HSF2BP: variants seen among roughly 807,000 people sequenced by gnomAD.
HSF2BP encodes the protein heat shock factor 2-binding protein.
In HSF2BP, 35 loss-of-function variants were observed where a neutral mutation model predicts 35.0. The observed-to-expected ratio is 1.00, with a 90% confidence interval of 0.76 to 1.32. The LOEUF (loss-of-function observed/expected upper bound fraction) is 1.32, where lower values mean the gene tolerates loss of function less well. Among genes scored for constraint, HSF2BP ranks in the 40% most tolerant of loss-of-function variants. The pLI is 0.00. For missense variants in HSF2BP, 326 were observed against 321.7 expected, an observed-to-expected ratio of 1.01 and a Z score of -0.10; for synonymous variants, 114 against 117.4, an observed-to-expected ratio of 0.97 and a Z score of 0.18.
chr21:43,656,876 TATAG>T (rs1385457880), intron 2 of HSF2BP, 139 bp from the exon 3 acceptor site: 1 of 667,518 alleles, frequency 1.5e-6, no homozygotes, highest in Non-Finnish European at 2.5e-6. Flanking sequence ...TATATTCTGC[TATAG>T]ATATATTTTA....
chr21:43,636,897 A>G (rs865905061), intron 4 of HSF2BP, among the ~76,000 whole-genome samples: 187 of 22,746 alleles, frequency 8.2e-3, no homozygotes, highest in African/African-American at 0.042. Context: ...CTCAAAACAA[A>G]AAAAAAAAAA....
At chr21:43,636,036 C>G (rs548876622) in intron 4 of HSF2BP, among the ~76,000 whole-genome samples, 22 of 149,700 alleles carry the variant, frequency 1.5e-4, no homozygotes, top group African/African-American at 4.9e-4. Context: ...ATAGTGAGAC[C>G]CCATCTCTAC....
chr21:43,613,553 G>A (rs1181520331), intron 7 of HSF2BP, among the ~76,000 whole-genome samples: 1 of 152,212 alleles, frequency 6.6e-6, no homozygotes, highest in Non-Finnish European at 1.5e-5. Context: ...CTGGAAGACA[G>A]ATACCTATTT....
Position 43,622,488 on chromosome 21 carries a change from C to T in HSF2BP, c.574+7834G>A, listed in dbSNP as rs536310063. The stretch of plus-strand genomic sequence containing the variant: ...GAAAGTGAAGGGTGGAAAAAGATAT[C>T]TATGCAACTGGAAACCAAAAAAAAC... On this transcript the variant is annotated intron_variant, in intron 6 of 8. Coordinates refer to ENST00000291560, the MANE Select transcript of HSF2BP (RefSeq NM_007031.2). 3.9e-5 allele frequency among the ~76,000 whole-genome samples: 6 copies of T among 152,160 alleles called. No homozygotes were observed. The South Asian group carries it at 1.2e-3, about 32-fold the overall frequency.
intron 1 of HSF2BP, 88 bp from the exon 2 acceptor site, chr21:43,658,408 A>T (rs2082910828): frequency 2.5e-6 from 1 of 394,162 alleles, no homozygotes; most frequent in Non-Finnish European, 4.6e-6. Flanking sequence ...GAGGAATGCT[A>T]CACTAAGGGG....
chr21:43,584,262 G>T (rs1281177117), intron 8 of HSF2BP, among the ~76,000 whole-genome samples: 4 of 152,130 alleles, frequency 2.6e-5, no homozygotes, highest in Admixed American at 2.0e-4. Context: ...CCCAATATCT[G>T]CAGTCCATGC....
At chr21:43,648,609 A>G (rs1182758477) in intron 3 of HSF2BP, among the ~76,000 whole-genome samples, 1 of 152,176 alleles carries the variant, frequency 6.6e-6, no homozygotes, top group East Asian at 1.9e-4. Context: ...CACACTCTTC[A>G]TGTTCTTTTA....
At chr21:43,652,750 A>ACCAGC (rs1401131947) in intron 3 of HSF2BP, among the ~76,000 whole-genome samples, 1 of 152,198 alleles carries the variant, frequency 6.6e-6, no homozygotes. Context: ...ACCTCCTGGA[A>ACCAGC]CCAGCCCAGC....
rs933416773 is a variant in HSF2BP, at chr21:43,633,439, T to C, written c.292-18A>G. 3.8e-6 allele frequency: 6 copies of C among 1,593,918 alleles called. No homozygotes were observed. The highest frequency in any genetic ancestry group is 1.8e-5 in the Admixed American group (1 of 55,368). ...AGTTTCTCCTAAAAGCAAAACAAAA[T>C]TGAAAAATAAATAATAGCATTCAAC... is the stretch of plus-strand genomic sequence containing the variant. On this transcript the variant is annotated intron_variant, in intron 4 of 8. Transcript: ENST00000291560.
In HSF2BP at chr21:43,574,778, G is replaced by A. The variant is rs540155664; in HGVS notation, c.796+17447C>T. ...CCCTCCATGGGGAGCAGCTGTCCTC[G>A]AGGCTGATCTTGCTTTTCCTTCCTC... On this transcript the variant is annotated intron_variant, in intron 8 of 8. Transcript: ENST00000291560. 2.8e-4 allele frequency among the ~76,000 whole-genome samples: 43 copies of A among 152,260 alleles called. No homozygotes were observed. In the Middle Eastern group the frequency reaches 0.01, roughly 36 times the overall value.
chr21:43,637,854 A>T (rs981935615), intron 4 of HSF2BP, among the ~76,000 whole-genome samples: 1 of 151,970 alleles, frequency 6.6e-6, no homozygotes, highest in Non-Finnish European at 1.5e-5. Flanking sequence ...CTAGGAATAG[A>T]GGGGAACCTT....
chr21:43,644,906 T>A (rs2082688367), intron 3 of HSF2BP, among the ~76,000 whole-genome samples: 2 of 152,166 alleles, frequency 1.3e-5, no homozygotes, highest in Non-Finnish European at 2.9e-5. Context: ...GAGAAAATGC[T>A]ATAGTGAAAG....
chr21:43,629,450 A>T (rs1019634428), intron 6 of HSF2BP, among the ~76,000 whole-genome samples: 1 of 152,226 alleles, frequency 6.6e-6, no homozygotes, highest in Non-Finnish European at 1.5e-5. Context: ...CTGTAATCCC[A>T]GCTACTTGGG....
At chr21:43,596,662 CA>C (rs1260584421) in intron 7 of HSF2BP, among the ~76,000 whole-genome samples, 1 of 151,840 alleles carries the variant, frequency 6.6e-6, no homozygotes, top group Non-Finnish European at 1.5e-5. Flanking sequence ...GCCCGGAGTT[CA>C]AAACCAGCTT....
At chr21:43,574,093 G>C (rs1040326763) in intron 8 of HSF2BP, among the ~76,000 whole-genome samples, 7 of 152,244 alleles carry the variant, frequency 4.6e-5, no homozygotes, top group African/African-American at 1.7e-4. Flanking sequence ...TCTCACAGGG[G>C]GAGGAGGCCA....
At chr21:43,635,717 G>C (rs1447710791) in intron 4 of HSF2BP, among the ~76,000 whole-genome samples, 2 of 152,088 alleles carry the variant, frequency 1.3e-5, no homozygotes, top group Non-Finnish European at 2.9e-5. Flanking sequence ...AGGAGTTCAA[G>C]ACTAGCCTGA....
At chr21:43,495,438 G>A in the HSF2BP span, among the ~76,000 whole-genome samples, 221 of 73,514 alleles carry the variant, frequency 3.0e-3, 20 homozygotes, top group African/African-American at 0.012. Context: ...CTCCCCCTCC[G>A]CGGGGCGCCA....
chr21:43,577,538 G>A (rs2081659008), intron 8 of HSF2BP, among the ~76,000 whole-genome samples: 1 of 152,304 alleles, frequency 6.6e-6, no homozygotes. Flanking sequence ...AGCATCAACT[G>A]TAAGGCTGGC....
At chr21:43,505,437 G>T in the HSF2BP span, among the ~76,000 whole-genome samples, 1 of 101,632 alleles carries the variant, frequency 9.8e-6, no homozygotes, top group Non-Finnish European at 1.9e-5. Flanking sequence ...GAGCTGTGTG[G>T]GGTTTCCGCG....
Sources: allele counts gnomAD v4.1 joint callset (sites outside exome capture counted in the v4.1 genomes callset), GRCh38; gene constraint gnomAD v4.1.1; transcripts MANE v1.5; gene names NCBI Gene and HGNC (gene_info 2026-07-23, HGNC 2026-07-21).